The following SH2B3 variants were observed in gnomAD, a reference collection of about 807,000 sequenced individuals.
The protein encoded by SH2B3 is SH2B adaptor protein 3, also known as SH2B adapter protein 3.
SH2B3 carries 43 observed loss-of-function variants against 51.9 expected under a neutral mutation model. The ratio of observed to expected loss-of-function variants is 0.83; its 90% CI spans 0.65 to 1.07. SH2B3 has a LOEUF of 1.07. SH2B3 is among the 50% of genes least tolerant of loss of function. The probability of loss-of-function intolerance (pLI) is 0.00; values close to 1 mark genes in which losing one functional copy is unlikely to be tolerated. For missense variants in SH2B3, 952 were observed against 834.3 expected (o/e 1.14, Z -1.74); for synonymous variants, 396 against 376.0 (o/e 1.05, Z -0.62).
chr12:111,431,187 G>C (rs996005891), intron 2 of SH2B3, among the ~76,000 whole-genome samples: 1 of 152,138 alleles, frequency 6.6e-6, no homozygotes, highest in African/African-American at 2.4e-5. Context: ...AGTGTACATC[G>C]GGGCGATTAA....
intron 1 of SH2B3, among the ~76,000 whole-genome samples, chr12:111,411,124 G>A (rs1385160726): frequency 6.6e-6 from 1 of 151,618 alleles, no homozygotes; most frequent in Non-Finnish European, 1.5e-5. Flanking sequence ...CCAGCACTTT[G>A]GAAGGTCAAG....
intron 1 of SH2B3, among the ~76,000 whole-genome samples, chr12:111,416,693 C>G (rs1164822209): frequency 6.6e-6 from 1 of 152,058 alleles, no homozygotes; most frequent in African/African-American, 2.4e-5. Context: ...GGGGTTTCAC[C>G]ACGTTGGCCA....
chr12:111,419,396 G>A (rs1185734509), intron 2 of SH2B3, among the ~76,000 whole-genome samples: 1 of 152,148 alleles, frequency 6.6e-6, no homozygotes, highest in Admixed American at 6.6e-5. Context: ...CAGCACTTTG[G>A]GAGGCCAAGG....
At chr12:111,446,046 C>T (rs1168902075) in intron 2 of SH2B3, among the ~76,000 whole-genome samples, 6 of 152,238 alleles carry the variant, frequency 3.9e-5, no homozygotes, top group African/African-American at 1.4e-4. Context: ...AGTGGGGCCA[C>T]TTCTGTCCAT....
upstream of SH2B3, among the ~76,000 whole-genome samples, chr12:111,405,551 C>CA (rs1413767033): frequency 6.6e-6 from 1 of 152,186 alleles, no homozygotes; most frequent in Non-Finnish European, 1.5e-5. This position sits in a 1 kb window ranked among gnomAD's most constrained non-coding sequence, Gnocchi z 5.4. Flanking sequence ...GCCCCGCCTC[C>CA]AGGCGCTGAG....
In SH2B3 at chr12:111,438,349, G is replaced by C. The variant is rs547418684; in HGVS notation, c.733-8404G>C. Among the ~76,000 whole-genome samples the C allele has an allele frequency of 2.0e-5, 3 of 152,084 alleles. No individual in the cohort carries two copies. Among genetic ancestry groups the C allele is most frequent in the Non-Finnish European group, 4.4e-5 (3 of 67,988 alleles). ...TGGGGGCTCCTGATGGTGCCCTTGC[G>C]GGGAGGTCAGGGGGCTGACACACCT... On this transcript the variant is annotated intron_variant, in intron 2 of 7. Coordinates refer to ENST00000341259, the MANE Select transcript of SH2B3 (RefSeq NM_005475.3). The surrounding 1 kb of genome is among the most constrained non-coding windows in gnomAD (Gnocchi z 4.2).
intron 2 of SH2B3, chr12:111,444,731 C>T (rs1226592150): frequency 1.0e-6 from 1 of 985,536 alleles, no homozygotes; most frequent in Admixed American, 6.1e-5. Flanking sequence ...GGTGGTCCTT[C>T]CCTGCAGTGG....
Position 111,438,604 on chromosome 12 carries a change from C to T in SH2B3, c.733-8149C>T, listed in dbSNP as rs1208295401. Among the ~76,000 whole-genome samples the T allele has an allele frequency of 6.6e-6, 1 of 152,228 alleles. No individual in the cohort carries two copies. The highest frequency in any genetic ancestry group is 1.5e-5 in the Non-Finnish European group (1 of 68,028). ...TGTTGAGCACCCACCACCTAGCAGG[C>T]ACTGGCTCGCGGCCAAGGACACCAC... On this transcript the variant is annotated intron_variant, in intron 2 of 7. Coordinates refer to ENST00000341259, the MANE Select transcript of SH2B3 (RefSeq NM_005475.3). The surrounding 1 kb of genome is among the most constrained non-coding windows in gnomAD (Gnocchi z 4.2).
At chr12:111,437,448 T>A (rs1461433997) in intron 2 of SH2B3, among the ~76,000 whole-genome samples, 2 of 151,652 alleles carry the variant, frequency 1.3e-5, no homozygotes, top group Non-Finnish European at 2.9e-5. Flanking sequence ...ATGAACAGGG[T>A]GGTGGGGGTC....
rs527898634 is a variant in SH2B3, at chr12:111,415,863, C to G, written c.-27-2256C>G. ...TTTCGAATTCCTGACCTCAGGTGAT[C>G]CACCCACCTAAGCCTCCCAGAGTGC... On this transcript the variant is annotated intron_variant, in intron 1 of 7. Transcript: ENST00000341259. 2.3e-3 allele frequency among the ~76,000 whole-genome samples: 352 copies of G among 152,186 alleles called. 2 individuals carry two copies. Among genetic ancestry groups the G allele is most frequent in the Middle Eastern group, 3.4e-3 (1 of 294 alleles).
chr12:111,416,487 T>C (rs1871098629), intron 1 of SH2B3, among the ~76,000 whole-genome samples: 1 of 151,824 alleles, frequency 6.6e-6, no homozygotes, highest in African/African-American at 2.4e-5. Flanking sequence ...GCTGGTTTTT[T>C]TTTTGTTTTT....
rs1870320440 is a variant in SH2B3, at chr12:111,407,237, A to AG, written c.-28+964dup. Among the ~76,000 whole-genome samples, 1 of 151,512 alleles carries AG rather than the reference A, an allele frequency of 6.6e-6. No individual in the cohort carries two copies. Among genetic ancestry groups the AG allele is most frequent in the East Asian group, 2.0e-4 (1 of 5,076 alleles). The stretch of plus-strand genomic sequence containing the variant: ...TGCCTGCAGCTGGGGGCCTCCAGGG[A>AG]GGGGCACGGCCAGGCTGGGCTGAGT... On this transcript the variant is annotated intron_variant, in intron 1 of 7. Coordinates refer to ENST00000341259, the MANE Select transcript of SH2B3 (RefSeq NM_005475.3). This position sits in a 1 kb window ranked among gnomAD's most constrained non-coding sequence, Gnocchi z 4.3.
chr12:111,427,019 T>G (rs1872057956), intron 2 of SH2B3, among the ~76,000 whole-genome samples: 1 of 152,052 alleles, frequency 6.6e-6, no homozygotes, highest in South Asian at 2.1e-4. Flanking sequence ...AAAAGGAAAT[T>G]GCACTGGTTG....
rs1874470032 is a variant in SH2B3, at chr12:111,450,414, A to G, written c.*2112A>G. ...TAAGTAAGAGTCTGAAGTTTTTTTA[A>G]AGGAGAAAGCTTATTATGGAAAGTC... On this transcript the variant is annotated 3_prime_UTR_variant, in exon 8 of 8. Transcript: ENST00000341259. The G allele has an allele frequency of 6.6e-6, 1 of 152,186 alleles. No individual in the cohort carries two copies. The highest frequency in any genetic ancestry group is 1.5e-5 in the Non-Finnish European group (1 of 68,024). The allele number at this position is 152,186 out of a possible 1,614,324, so 9.4% of individuals were successfully genotyped here.
At chr12:111,436,082 G>A (rs1161502988) in intron 2 of SH2B3, among the ~76,000 whole-genome samples, 3 of 152,234 alleles carry the variant, frequency 2.0e-5, no homozygotes, top group African/African-American at 7.2e-5. Context: ...TGCATGCCCT[G>A]TGCCATGTGC....
chr12:111,405,637 A>G (rs1870183227), upstream of SH2B3, among the ~76,000 whole-genome samples: 1 of 151,784 alleles, frequency 6.6e-6, no homozygotes, highest in South Asian at 2.1e-4. This position sits in a 1 kb window ranked among gnomAD's most constrained non-coding sequence, Gnocchi z 5.4. Flanking sequence ...TTCTATCTTC[A>G]GACTGTGGGA....
rs1037231804 is a variant in SH2B3 at position 111,406,720 on chromosome 12, C to G, written c.-28+443C>G. ...GGTGTGGGGGCAGCGGGGGAGGATG[C>G]GCCGGCCCCTCCCCACTCCCCATTC... On this transcript the variant is annotated intron_variant, in intron 1 of 7. Transcript: ENST00000341259. The surrounding 1 kb of genome is among the most constrained non-coding windows in gnomAD (Gnocchi z 5.7). 6.6e-6 allele frequency among the ~76,000 whole-genome samples: 1 copy of G among 152,144 alleles called. No homozygotes were observed. Among genetic ancestry groups the G allele is most frequent in the African/African-American group, 2.4e-5 (1 of 41,422 alleles).
chr12:111,447,436 G>A lies in SH2B3; in HGVS notation c.1128G>A (p.Gln376=). The A allele has an allele frequency of 6.2e-7, 1 of 1,613,876 alleles. No homozygotes were observed. The highest frequency in any genetic ancestry group is 8.5e-7 in the Non-Finnish European group (1 of 1,179,868). Reference sequence around the variant, plus strand: ...CCATCTCCAGAGTGAAAGCAGCTCAGCTGGTTCAGCTGCAGGGCCCTGATG... The same window carrying A: ...CCATCTCCAGAGTGAAAGCAGCTCAACTGGTTCAGCTGCAGGGCCCTGATG... ...HGPISRVKAA[Q]LVQLQGPDAH... The change falls in exon 6 of 8, where the codon CAG becomes CAA. Residue 376 remains glutamine (Q), a synonymous_variant. Coordinates refer to ENST00000341259, the MANE Select transcript of SH2B3 (RefSeq NM_005475.3).
At position 111,418,009 on chromosome 12, in the gene SH2B3, G is replaced by C. The variant is rs1165361971; in HGVS notation, c.-27-110G>C. The C allele has an allele frequency of 2.6e-6, 2 of 772,678 alleles. No homozygotes were observed. The highest frequency in any genetic ancestry group is 4.0e-4 in the Middle Eastern group (1 of 2,488). The allele number at this position is 772,678 out of a possible 1,614,324, so 47.9% of individuals were successfully genotyped here. On this transcript the variant is annotated intron_variant, in intron 1 of 7. Coordinates refer to ENST00000341259, the MANE Select transcript of SH2B3 (RefSeq NM_005475.3). This position sits in a 1 kb window ranked among gnomAD's most constrained non-coding sequence, Gnocchi z 6.7. ...TTCCCTGCATCTTCACCAGCACTGG[G>C]TGTTATGGTCGCGTTGGATTTCTGC...
Sources: allele counts gnomAD v4.1 joint callset (sites outside exome capture counted in the v4.1 genomes callset), GRCh38; gene constraint gnomAD v4.1.1; non-coding constraint Gnocchi (gnomAD v3.1); transcripts MANE v1.5; gene names NCBI Gene and HGNC (gene_info 2026-07-23, HGNC 2026-07-21).